Variants in SLC39A4 observed in about 807,000 individuals in gnomAD.
SLC39A4 encodes the protein solute carrier family 39 member 4, also known as zinc transporter ZIP4.
SLC39A4 carries 49 observed loss-of-function variants against 56.6 expected under a neutral mutation model. That is an observed-to-expected ratio of 0.87 (90% CI 0.69 to 1.10). The LOEUF is 1.10. SLC39A4 is among the 50% of genes least tolerant of loss of function. SLC39A4 has a pLI of 0.00. For missense variants in SLC39A4, 993 were observed against 864.2 expected (o/e 1.15, Z -1.87); for synonymous variants, 540 against 420.4 (o/e 1.28, Z -3.48).
chr8:144,413,193 CG>C lies in SLC39A4; in HGVS notation c.1627+43del, dbSNP rs549257403. ...TGTTCCAGGTCTCCCCTCCCAGCCC[CG>C]TGCGGCCCCGCCCATCTCCTTCCAG... On this transcript the variant is annotated intron_variant, in intron 10 of 11. Transcript: ENST00000301305. 4.6e-3 allele frequency: 6,971 copies of C among 1,523,670 alleles called. 26 individuals carry two copies. Among genetic ancestry groups the C allele is most frequent in the Non-Finnish European group, 5.6e-3 (6,387 of 1,136,918 alleles). 94.4% of individuals were successfully genotyped at this position (1,523,670 alleles called of 1,614,324 possible). A position where few individuals can be genotyped will look rare whatever the true frequency, so the allele number is the denominator to read the frequency against.
In SLC39A4 at chr8:144,412,446, G is replaced by C. The variant is rs1821914465; in HGVS notation, c.*92C>G. 6.2e-7 allele frequency: 1 copy of C among 1,600,672 alleles called. No homozygotes were observed. Among genetic ancestry groups the C allele is most frequent in the South Asian group, 1.1e-5 (1 of 90,154 alleles). On this transcript the variant is annotated 3_prime_UTR_variant, in exon 12 of 12. Coordinates refer to ENST00000301305, the MANE Select transcript of SLC39A4 (RefSeq NM_130849.4). Reference sequence around the variant, plus strand: ...ACAAGAGTGTCTTTACTGGAGTTGGGACTGGGGCCTCTATAGGGGCTTCTG... The same window carrying C: ...ACAAGAGTGTCTTTACTGGAGTTGGCACTGGGGCCTCTATAGGGGCTTCTG...
In SLC39A4 at chr8:144,416,621, A is replaced by C; in HGVS notation, c.169T>G (p.Cys57Gly). Residue 57 changes from cysteine (C) to glycine (G), a missense_variant, in exon 1 of 12, where the codon TGC becomes GGC. By Grantham distance (159) the Cys-to-Gly change is radical (BLOSUM62 -3). Coordinates refer to ENST00000301305, the MANE Select transcript of SLC39A4 (RefSeq NM_130849.4). ...LLNTLADRVH[C>G]ANGPCGKCLS... Reference sequence around the variant, plus strand: ...ACCTTTCCACACGGCCCGTTGGCGCAGTGCACACGGTCCGCCAGCGTATTT... The same window carrying C: ...ACCTTTCCACACGGCCCGTTGGCGCCGTGCACACGGTCCGCCAGCGTATTT... The C allele has an allele frequency of 6.3e-7, 1 of 1,599,586 alleles. No individual in the cohort carries two copies. The highest frequency in any genetic ancestry group is 8.5e-7 in the Non-Finnish European group (1 of 1,174,332).
At position 144,414,788 on chromosome 8, in the gene SLC39A4, G is replaced by A; in HGVS notation, c.913C>T (p.Leu305=). Residue 305 remains leucine (L), a synonymous_variant, in exon 5 of 12, where the codon CTG becomes TTG. Transcript: ENST00000301305. The part of the protein sequence containing the change: ...QLSPALLQQQ[L]SGACTSQSRP... ...GACTGGGAGGTGCAGGCTCCACTCA[G>A]CTGCTGTTGGAGCAGGGCAGGGCTC... 1 of 1,613,152 alleles carries A rather than the reference G, an allele frequency of 6.2e-7. No individual in the cohort carries two copies. Among genetic ancestry groups the A allele is most frequent in the Non-Finnish European group, 8.5e-7 (1 of 1,179,976 alleles).
chr8:144,412,791 C>T lies in SLC39A4; in HGVS notation c.1783G>A (p.Gly595Ser), dbSNP rs1260072544. ...SEAWILAVAT[G>S]LFLYVALCDM... ...CAGAGTGCTACGTAGAGGAACAGGC[C>T]GGTGGCCACTGCCAGGATCCAGGCC... is the stretch of plus-strand genomic sequence containing the variant. Residue 595 changes from glycine (G) to serine (S), a missense_variant, in exon 11 of 12, where the codon GGC (glycine) becomes AGC (serine). Transcript: ENST00000301305. 3 of 1,613,024 alleles carry T rather than the reference C, an allele frequency of 1.9e-6. No homozygotes were observed. The highest frequency in any genetic ancestry group is 1.3e-5 in the African/African-American group (1 of 74,934).
At chr8:144,413,046 T>C (rs1554872151) in intron 10 of SLC39A4, 100 bp from the exon 11 acceptor site, 22 of 1,454,304 alleles carry the variant, frequency 1.5e-5, no homozygotes, top group Non-Finnish European at 2.0e-5. Context: ...CGCCCACCTG[T>C]TCCCGGTCTC....
intron 1 of SLC39A4, 88 bp from the exon 2 acceptor site, chr8:144,416,179 T>TG (rs1554873980): frequency 1.1e-5 from 17 of 1,596,204 alleles, no homozygotes; most frequent in Non-Finnish European, 1.4e-5. Context: ...GAGGGCCTGT[T>TG]TCCCTTTCAA....
chr8:144,415,684 GCAGGCCGACTCCTGGGCGTCTCCC>G, intron 2 of SLC39A4, 102 bp downstream of exon 2: 1 of 1,370,086 alleles, frequency 7.3e-7, no homozygotes, highest in South Asian at 1.5e-5. Flanking sequence ...ATCCCCAGCC[GCAGGCCGACTCCTGGGCGTCTCCC>G]CAGGCCCCCA....
chr8:144,414,757 G>A lies in SLC39A4; in HGVS notation c.944C>T (p.Pro315Leu), dbSNP rs1554873224. Reference sequence around the variant, plus strand: ...CTGGCTGAGCTGGTCCTGGACGGGGGGCCTGGACTGGGAGGTGCAGGCTCC... The same window carrying A: ...CTGGCTGAGCTGGTCCTGGACGGGGAGCCTGGACTGGGAGGTGCAGGCTCC... The part of the protein sequence containing the change: ...LSGACTSQSR[P>L]PVQDQLSQSE... Residue 315 changes from proline (P) to leucine (L), a missense_variant, in exon 5 of 12, where the codon CCC becomes CTC. Pro to Leu is a moderately conservative substitution (Grantham distance 98). Coordinates refer to ENST00000301305, the MANE Select transcript of SLC39A4 (RefSeq NM_130849.4). 7 of 1,612,956 alleles carry A rather than the reference G, an allele frequency of 4.3e-6. No homozygotes were observed. Among genetic ancestry groups the A allele is most frequent in the Middle Eastern group, 1.6e-4 (1 of 6,082 alleles).
At chr8:144,416,302 T>C in intron 1 of SLC39A4, 1 of 1,516,806 alleles carries the variant, frequency 6.6e-7, no homozygotes, top group South Asian at 1.2e-5. Context: ...CCAACAGTGG[T>C]CCCCCATCCC....
intron 8 of SLC39A4, 69 bp from the exon 9 acceptor site, chr8:144,413,636 C>CAGATCACCGCGGGAGGCGG: frequency 6.5e-7 from 1 of 1,546,492 alleles, no homozygotes. Flanking sequence ...GGCGGGGCCC[C>CAGATCACCGCGGGAGGCGG]AGATCACCGC....
chr8:144,413,000 A>C (rs1586648930), intron 10 of SLC39A4, 54 bp from the exon 11 acceptor site: 2 of 1,532,668 alleles, frequency 1.3e-6, no homozygotes, highest in African/African-American at 1.4e-5. Context: ...TGCCCCGCCC[A>C]CCTCCTTTCG....
intron 5 of SLC39A4, 125 bp downstream of exon 5, chr8:144,414,600 T>A: frequency 6.6e-7 from 1 of 1,505,394 alleles, no homozygotes; most frequent in South Asian, 1.3e-5. Flanking sequence ...CCTTCCCCTG[T>A]GTCTGTTGTT....
At position 144,413,833 on chromosome 8, in the gene SLC39A4, G is replaced by T; in HGVS notation, c.1336C>A (p.His446Asn). 6.3e-7 allele frequency: 1 copy of T among 1,592,476 alleles called. No individual in the cohort carries two copies. The change falls in exon 8 of 12, where the codon CAC (histidine) becomes AAC (asparagine). Residue 446 changes from histidine (H) to asparagine (N), a missense_variant. By Grantham distance (68) the His-to-Asn change is moderately conservative (BLOSUM62 1). Transcript: ENST00000301305. Reference protein sequence around the residue: ...CGHSSHSHGGHSHGVSLQLAP... With the variant: ...CGHSSHSHGGNSHGVSLQLAP... Reference sequence around the variant, plus strand: ...AGCTGCAGGGACACACCGTGGCTGTGGCCCCCGTGGCTATGGCTGCTGTGG... The same window carrying T: ...AGCTGCAGGGACACACCGTGGCTGTTGCCCCCGTGGCTATGGCTGCTGTGG...
rs782039678 is a variant in SLC39A4 at position 144,413,948 on chromosome 8, G to A, written c.1287+10C>T. On this transcript the variant is annotated intron_variant, in intron 7 of 11. Transcript: ENST00000301305. ...ACCCACCCGCCGGGTACCTTCCCAAGAAGCCTGACCTCCGGGTCCCTGGGC... is the reference window on the plus strand; with the variant it reads ...ACCCACCCGCCGGGTACCTTCCCAAAAAGCCTGACCTCCGGGTCCCTGGGC... 3.8e-5 allele frequency: 61 copies of A among 1,610,940 alleles called. No homozygotes were observed. The highest frequency in any genetic ancestry group is 4.3e-5 in the Non-Finnish European group (51 of 1,179,052).
At position 144,413,337 on chromosome 8, in the gene SLC39A4, G is replaced by A. The variant is rs782072625; in HGVS notation, c.1527C>T (p.Phe509=). The A allele has an allele frequency of 3.7e-6, 6 of 1,606,574 alleles. No homozygotes were observed. The highest frequency in any genetic ancestry group is 2.2e-5 in the East Asian group (1 of 44,832). ...MITLGDAVHN[F]ADGLAVGAAF... Reference sequence around the variant, plus strand: ...CGGCGCCCACGGCCAGCCCGTCGGCGAAGTTGTGCACGGCGTCGCCCAGAG... The same window carrying A: ...CGGCGCCCACGGCCAGCCCGTCGGCAAAGTTGTGCACGGCGTCGCCCAGAG... Residue 509 remains phenylalanine, a synonymous_variant, in exon 10 of 12, where the codon TTC becomes TTT. Coordinates refer to ENST00000301305, the MANE Select transcript of SLC39A4 (RefSeq NM_130849.4).
rs782002895 is a variant in SLC39A4 at position 144,413,772 on chromosome 8, T to TG, written c.1396dup (p.His466ProfsTer20). 1.9e-6 allele frequency: 3 copies of TG among 1,542,652 alleles called. No individual in the cohort carries two copies. The highest frequency in any genetic ancestry group is 1.7e-6 in the Non-Finnish European group (2 of 1,149,922). On this transcript the variant is annotated frameshift_variant, in exon 8 of 12. Transcript: ENST00000301305. LOFTEE classifies it high-confidence loss of function. ...CACCAGGTCTGCGCGGGAGCCCTCG[T>TG]GGGGGGGCTTGGGCTGCCGGAGCTC...
In SLC39A4 at chr8:144,414,983, C is replaced by G. The variant is rs781916195; in HGVS notation, c.795G>C (p.Val265=). The G allele has an allele frequency of 6.2e-7, 1 of 1,612,688 alleles. No homozygotes were observed. Among genetic ancestry groups the G allele is most frequent in the Non-Finnish European group, 8.5e-7 (1 of 1,179,968 alleles). The change falls in exon 4 of 12, where the codon GTG becomes GTC. Residue 265 remains valine (V), a synonymous_variant. Transcript: ENST00000301305. ...CCAGGGCGCAGCTCACCGTGTCCCA[C>G]ACACTGGAGCTGTTGCTGGAGCTGA... is the stretch of plus-strand genomic sequence containing the variant. ...PLISSSNSSS[V]WDTVCLSARD...
At chr8:144,413,466 C>G (rs782733115) in intron 9 of SLC39A4, 47 bp downstream of exon 9, 1 of 1,568,764 alleles carries the variant, frequency 6.4e-7, no homozygotes, top group Non-Finnish European at 8.6e-7. Context: ...GCGCTCCACA[C>G]AAACCCCAGA....
Position 144,413,779 on chromosome 8 carries a change from GC to G in SLC39A4, c.1389del (p.Lys463AsnfsTer20). ...TCTGCGCGGGAGCCCTCGTGGGGGG[GC>G]TTGGGCTGCCGGAGCTCGCTGGGTG... ...QLAPSELRQP[K>X]PPHEGSRADL... On this transcript the variant is annotated frameshift_variant, in exon 8 of 12. Coordinates refer to ENST00000301305, the MANE Select transcript of SLC39A4 (RefSeq NM_130849.4). LOFTEE classifies it high-confidence loss of function. The G allele has an allele frequency of 6.5e-7, 1 of 1,546,374 alleles. No homozygotes were observed. Among genetic ancestry groups the G allele is most frequent in the Non-Finnish European group, 8.7e-7 (1 of 1,151,538 alleles).
Sources: allele counts gnomAD v4.1 joint callset, GRCh38; gene constraint gnomAD v4.1.1; transcripts MANE v1.5; gene names NCBI Gene and HGNC (gene_info 2026-07-23, HGNC 2026-07-21).